The following FOCAD variants were observed in gnomAD, a reference collection of about 807,000 sequenced individuals.
FOCAD encodes focadhesin.
FOCAD carries 198 observed loss-of-function variants against 225.6 expected under a neutral mutation model. That is an observed-to-expected ratio of 0.88 (90% CI 0.78 to 0.99). The LOEUF (loss-of-function observed/expected upper bound fraction) is 0.99, where lower values mean the gene tolerates loss of function less well. Ranked by LOEUF, FOCAD falls within the 50% of genes least tolerant of loss-of-function variation. The probability of loss-of-function intolerance (pLI) is 0.00; values close to 1 mark genes in which losing one functional copy is unlikely to be tolerated. For synonymous variants in FOCAD, 897 were observed against 755.0 expected (o/e 1.19, Z -3.08); for missense variants, 2,713 against 2,123.6 (o/e 1.28, Z -5.46).
At chr9:20,862,512 C>G (rs1828862961) in intron 15 of FOCAD, 66 bp from the exon 16 acceptor site, 3 of 1,538,946 alleles carry the variant, frequency 1.9e-6, no homozygotes, top group Admixed American at 2.0e-5. Context: ...ATATAGTACT[C>G]TTAATTAATG....
chr9:20,876,994 C>G (rs1216652015), intron 19 of FOCAD, among the ~76,000 whole-genome samples: 1 of 152,092 alleles, frequency 6.6e-6, no homozygotes, highest in African/African-American at 2.4e-5. Context: ...TTTACACTTC[C>G]AAGAAGTTGC....
intron 2 of FOCAD, among the ~76,000 whole-genome samples, chr9:20,667,860 TTTC>T (rs1349718709): frequency 1.3e-5 from 2 of 152,228 alleles, no homozygotes; most frequent in African/African-American, 4.8e-5. Context: ...GACGGGATTC[TTTC>T]TTCTTTGCAT....
intron 8 of FOCAD, among the ~76,000 whole-genome samples, chr9:20,774,333 A>G (rs890534331): frequency 6.6e-6 from 1 of 152,154 alleles, no homozygotes; most frequent in Non-Finnish European, 1.5e-5. Flanking sequence ...AAGAGGCACA[A>G]TGTGTGTTGC....
chr9:20,967,524 G>A (rs1241657880), intron 35 of FOCAD, among the ~76,000 whole-genome samples: 5 of 151,886 alleles, frequency 3.3e-5, no homozygotes, highest in African/African-American at 9.7e-5. Context: ...TAATTGCTCC[G>A]GTTAGAACAT....
At chr9:20,907,538 G>T (rs1210582126) in intron 22 of FOCAD, among the ~76,000 whole-genome samples, 2 of 151,952 alleles carry the variant, frequency 1.3e-5, no homozygotes, top group African/African-American at 4.8e-5. Flanking sequence ...TGACTTGAGT[G>T]CATCCCAAAC....
At chr9:20,876,648 T>C (rs1475523456) in intron 19 of FOCAD, among the ~76,000 whole-genome samples, 3 of 152,198 alleles carry the variant, frequency 2.0e-5, no homozygotes, top group Non-Finnish European at 4.4e-5. Context: ...AGATGCTATG[T>C]TGGCAAACTG....
chr9:20,796,946 T>C (rs1346658168), intron 11 of FOCAD, among the ~76,000 whole-genome samples: 1 of 152,222 alleles, frequency 6.6e-6, no homozygotes, highest in Non-Finnish European at 1.5e-5. Flanking sequence ...TTTATGGTTT[T>C]AGGTCTAACA....
chr9:20,993,350 C>T, intron 43 of FOCAD, 22 bp downstream of exon 43: 1 of 1,588,426 alleles, frequency 6.3e-7, no homozygotes, highest in Non-Finnish European at 8.6e-7. Flanking sequence ...ATGTTTTATG[C>T]TCAACATAGG....
intron 9 of FOCAD, among the ~76,000 whole-genome samples, chr9:20,779,750 CAA>C (rs35585761): frequency 5.5e-5 from 7 of 128,334 alleles, no homozygotes; most frequent in East Asian, 2.2e-4. Context: ...AACTCCGTCT[CAA>C]AAAAAAAAAA....
intron 7 of FOCAD, 23 bp from the exon 8 acceptor site, chr9:20,770,009 C>T (rs771950336): frequency 1.8e-5 from 29 of 1,588,576 alleles, no homozygotes; most frequent in Non-Finnish European, 2.5e-5. Context: ...TTTTTAATAT[C>T]ATATAATGAC....
intron 21 of FOCAD, among the ~76,000 whole-genome samples, chr9:20,901,272 GTGTC>G (rs1735462536): frequency 6.6e-6 from 1 of 151,358 alleles, no homozygotes. Flanking sequence ...ATGCATATGT[GTGTC>G]TGGGTAGCAG....
intron 18 of FOCAD, among the ~76,000 whole-genome samples, chr9:20,872,336 C>T (rs185302007): frequency 6.6e-6 from 1 of 152,180 alleles, no homozygotes; most frequent in East Asian, 1.9e-4. Context: ...GTTGACTGCA[C>T]AGAAGGACAG....
At chr9:20,900,916 G>A (rs1564129525) in intron 21 of FOCAD, among the ~76,000 whole-genome samples, 1 of 151,648 alleles carries the variant, frequency 6.6e-6, no homozygotes, top group Admixed American at 6.6e-5. Context: ...AAAGAGGGAA[G>A]GAAGGAGAAA....
At chr9:20,889,377 C>T (rs1467989937) in intron 21 of FOCAD, among the ~76,000 whole-genome samples, 2 of 152,146 alleles carry the variant, frequency 1.3e-5, no homozygotes, top group Non-Finnish European at 2.9e-5. Context: ...ATCCATCTTT[C>T]AGCTAATGGA....
chr9:20,963,974 G>C (rs1281553433), intron 35 of FOCAD, among the ~76,000 whole-genome samples: 1 of 151,744 alleles, frequency 6.6e-6, no homozygotes, highest in Non-Finnish European at 1.5e-5. Context: ...GCTAGAGTCA[G>C]TACCTGATAC....
rs746728300 is a variant in FOCAD, at chr9:20,993,263, G to C, written c.5267G>C (p.Trp1756Ser). 1 of 1,613,614 alleles carries C rather than the reference G, an allele frequency of 6.2e-7. No homozygotes were observed. Among genetic ancestry groups the C allele is most frequent in the South Asian group, 1.1e-5 (1 of 91,074 alleles). Residue 1756 changes from tryptophan (W) to serine (S), a missense_variant, in exon 43 of 44, where the codon TGG (tryptophan) becomes TCG (serine). Trp to Ser is a radical substitution (Grantham distance 177). Coordinates refer to ENST00000338382, the MANE Select transcript of FOCAD (RefSeq NM_001375567.1). ...TCATTTTTACCCTAGTTCATTGACT[G>C]GCTATTCAGCATCATGGAAAGCCCT... ...WKEQTQKFIDWLFSIMESPKE... is the reference protein window; with the variant it reads ...WKEQTQKFIDSLFSIMESPKE...
chr9:20,764,144 G>A (rs1230305016), intron 6 of FOCAD, among the ~76,000 whole-genome samples: 1 of 152,182 alleles, frequency 6.6e-6, no homozygotes, highest in Non-Finnish European at 1.5e-5. Context: ...TGGGATGTTT[G>A]TCTGGATTTC....
At position 20,923,030 on chromosome 9, in the gene FOCAD, C is replaced by A. The variant is rs111733056; in HGVS notation, c.2853-630C>A. Among the ~76,000 whole-genome samples the A allele has an allele frequency of 4.1e-3, 624 of 152,192 alleles. 5 individuals are homozygous for A. The highest frequency in any genetic ancestry group is 0.015 in the African/African-American group (607 of 41,510). On this transcript the variant is annotated intron_variant, in intron 24 of 43. Coordinates refer to ENST00000338382, the MANE Select transcript of FOCAD (RefSeq NM_001375567.1). The stretch of plus-strand genomic sequence containing the variant: ...TGATGTAAAAAGGCAACTTTCAGTC[C>A]AAATAGTCTAAAAACAGCCCTTTTT...
chr9:20,970,721 GA>G (rs772048199), intron 35 of FOCAD, among the ~76,000 whole-genome samples: 44 of 152,052 alleles, frequency 2.9e-4, no homozygotes, highest in Admixed American at 6.5e-4. Flanking sequence ...TTTCTTCTGT[GA>G]AATGACAAAG....
Sources: gnomAD v4.1 joint callset for allele counts (sites outside exome capture counted in the v4.1 genomes callset) on GRCh38, gnomAD v4.1.1 for gene constraint, MANE v1.5 for transcripts, NCBI Gene and HGNC (gene_info 2026-07-23, HGNC 2026-07-21) for gene names.